Variants in SAMMSON observed in about 807,000 individuals in gnomAD.
SAMMSON encodes long intergenic non-protein coding RNA 1212.
At chr3:70,000,601 A>G (rs1339185969) in intron 1 of SAMMSON, among the ~76,000 whole-genome samples, 1 of 152,228 alleles carries the variant, frequency 6.6e-6, no homozygotes, top group East Asian at 1.9e-4. Flanking sequence ...CTCTTTTCAC[A>G]TAACAGAATG....
intron 4 of SAMMSON, chr3:70,140,535 T>A (rs1428421477): frequency 6.4e-6 from 1 of 155,450 alleles, no homozygotes; most frequent in Non-Finnish European, 1.4e-5. Context: ...GGCATAAGGA[T>A]CTTTCCTTAT....
At chr3:70,343,417 C>G (rs1319367625) in intron 7 of SAMMSON, among the ~76,000 whole-genome samples, 1 of 151,966 alleles carries the variant, frequency 6.6e-6, no homozygotes, top group South Asian at 2.1e-4. Context: ...ATTTTTCTTG[C>G]TTTTGATGAC....
At chr3:70,257,914 T>C in intron 6 of SAMMSON, among the ~76,000 whole-genome samples, 1 of 152,202 alleles carries the variant, frequency 6.6e-6, no homozygotes, top group Non-Finnish European at 1.5e-5. Flanking sequence ...AGCATGGTAT[T>C]GGTGTAAGGA....
At chr3:70,183,962 G>C (rs1386005973) in intron 4 of SAMMSON, 1 of 152,128 alleles carries the variant, frequency 6.6e-6, no homozygotes, top group Non-Finnish European at 1.5e-5. Context: ...ATCTTTTTTG[G>C]ATGTCATGTT....
At chr3:70,046,348 A>G (rs1328896187) in intron 3 of SAMMSON, among the ~76,000 whole-genome samples, 3 of 152,148 alleles carry the variant, frequency 2.0e-5, no homozygotes, top group Non-Finnish European at 4.4e-5. Flanking sequence ...CTGATTGGCT[A>G]TAAGAAACAA....
intron 2 of SAMMSON, among the ~76,000 whole-genome samples, chr3:70,409,697 A>T (rs1472915542): frequency 6.6e-6 from 1 of 152,214 alleles, no homozygotes; most frequent in African/African-American, 2.4e-5. Context: ...TATAGTAATA[A>T]GGCCAATATT....
At chr3:70,164,826 T>G (rs1434618691) in intron 4 of SAMMSON, among the ~76,000 whole-genome samples, 2 of 152,072 alleles carry the variant, frequency 1.3e-5, no homozygotes, top group African/African-American at 4.8e-5. Context: ...ATTTTAATGT[T>G]ATTGTTCTTG....
chr3:70,386,792 G>C (rs569196001), intron 9 of SAMMSON, among the ~76,000 whole-genome samples: 1 of 152,038 alleles, frequency 6.6e-6, no homozygotes, highest in Non-Finnish European at 1.5e-5. Context: ...GGTAAAGGAA[G>C]GTGGCTTGGA....
intron 9 of SAMMSON, among the ~76,000 whole-genome samples, chr3:70,359,245 A>G (rs1426493204): frequency 1.3e-5 from 2 of 152,160 alleles, no homozygotes; most frequent in African/African-American, 4.8e-5. Context: ...AATGTGAGCA[A>G]TCTTTTCAAG....
intron 6 of SAMMSON, among the ~76,000 whole-genome samples, chr3:70,261,804 G>A (rs1320456332): frequency 6.6e-6 from 1 of 152,130 alleles, no homozygotes; most frequent in Admixed American, 6.6e-5. Context: ...TTTCCTCCCC[G>A]TGGAACCAAG....
At chr3:70,050,639 A>T (rs75919170) in intron 3 of SAMMSON, among the ~76,000 whole-genome samples, 5,367 of 152,184 alleles carry the variant, frequency 0.035, 300 homozygotes, top group African/African-American at 0.12. Context: ...GATTCCCCTC[A>T]TGGTTGAATC....
intron 1 of SAMMSON, among the ~76,000 whole-genome samples, chr3:70,010,994 A>G (rs747131348): frequency 6.6e-6 from 1 of 152,100 alleles, no homozygotes; most frequent in African/African-American, 2.4e-5. Flanking sequence ...CCTGGTTCCA[A>G]CCTTGACTCA....
intron 7 of SAMMSON, among the ~76,000 whole-genome samples, chr3:70,340,407 A>G (rs1209978554): frequency 6.9e-6 from 1 of 144,644 alleles, no homozygotes; most frequent in Non-Finnish European, 1.5e-5. Context: ...TAAAAAAAGC[A>G]GGGTATCCTT....
chr3:70,401,769 C>T (rs1701143620), intron 2 of SAMMSON, among the ~76,000 whole-genome samples: 2 of 152,062 alleles, frequency 1.3e-5, no homozygotes, highest in South Asian at 4.1e-4. Flanking sequence ...ATTTTATTAG[C>T]AAAAATTTTC....
chr3:70,187,395 A>T lies in SAMMSON; in HGVS notation n.508-61712A>T, dbSNP rs143328927. On this transcript the variant is annotated intron_variant and non_coding_transcript_variant, in intron 4 of 9. Coordinates refer to ENST00000642114, the Ensembl canonical transcript of SAMMSON. Reference sequence around the variant, plus strand: ...CATAGACATTTTTGGTGGCCTTATGAGACAGAGCATGAGACAGCTCTGGGA... The same window carrying T: ...CATAGACATTTTTGGTGGCCTTATGTGACAGAGCATGAGACAGCTCTGGGA... Among the ~76,000 whole-genome samples, 62 of 145,364 alleles carry T rather than the reference A, an allele frequency of 4.3e-4. 1 individual carries two copies. The highest frequency in any genetic ancestry group is 1.5e-3 in the African/African-American group (59 of 39,662).
downstream of SAMMSON, among the ~76,000 whole-genome samples, chr3:70,394,341 G>C (rs958867043): frequency 6.6e-6 from 1 of 152,076 alleles, no homozygotes; most frequent in African/African-American, 2.4e-5. Flanking sequence ...GTATTGTCTA[G>C]GTAATAGCTC....
intron 3 of SAMMSON, among the ~76,000 whole-genome samples, chr3:70,029,653 G>T (rs544226173): frequency 6.6e-6 from 1 of 151,544 alleles, no homozygotes; most frequent in Non-Finnish European, 1.5e-5. Context: ...TGCTTGGGAG[G>T]CTGAGGCACA....
chr3:70,022,010 G>A (rs1559774744), intron 3 of SAMMSON, among the ~76,000 whole-genome samples: 2 of 152,030 alleles, frequency 1.3e-5, no homozygotes, highest in Admixed American at 6.6e-5. Context: ...GAATGGAGGC[G>A]GTAGGTGACA....
At chr3:70,207,517 C>A (rs1309016438) in intron 4 of SAMMSON, among the ~76,000 whole-genome samples, 2 of 151,948 alleles carry the variant, frequency 1.3e-5, no homozygotes, top group Admixed American at 6.6e-5. Flanking sequence ...GGCTGAGAAG[C>A]CCCAAGCGTT....
Sources: gnomAD v4.1 joint callset for allele counts (sites outside exome capture counted in the v4.1 genomes callset) on GRCh38, gnomAD v4.1.1 for gene constraint, MANE v1.5 for transcripts, NCBI Gene and HGNC (gene_info 2026-07-23, HGNC 2026-07-21) for gene names.